The following SGCD variants were observed in gnomAD, a reference collection of about 807,000 sequenced individuals.
The protein encoded by SGCD is delta-sarcoglycan.
In SGCD, 18 loss-of-function variants were observed where a neutral mutation model predicts 36.6. The observed-to-expected ratio is 0.49, with a 90% CI of 0.34 to 0.73. The LOEUF is 0.73. Among genes scored for constraint, SGCD ranks in the 30% least tolerant of loss-of-function variants. SGCD has a pLI of 0.01. For missense variants in SGCD, 387 were observed against 346.7 expected, an observed-to-expected ratio of 1.12 and a Z score of -0.92; for synonymous variants, 133 against 130.6, an observed-to-expected ratio of 1.02 and a Z score of -0.12.
rs78787033 is a variant in SGCD, at chr5:156,616,965, G to T, written c.502+21914G>T. ...GAAAGACTAAAATATCTACTATCTG[G>T]CCCTTTACAAAAAAAAAGTTTGCCA... On this transcript the variant is annotated intron_variant, in intron 6 of 8. Transcript: ENST00000337851. Among the ~76,000 whole-genome samples, 6 of 152,102 alleles carry T rather than the reference G, an allele frequency of 3.9e-5. 1 individual carries two copies. Among genetic ancestry groups the T allele is most frequent in the Admixed American group, 3.9e-4 (6 of 15,292 alleles).
At chr5:156,493,189 A>G (rs2127852006) in intron 3 of SGCD, among the ~76,000 whole-genome samples, 1 of 152,296 alleles carries the variant, frequency 6.6e-6, no homozygotes, top group South Asian at 2.1e-4. Flanking sequence ...ATATTTATAC[A>G]TTGGAGAATG....
intron 7 of SGCD, among the ~76,000 whole-genome samples, chr5:156,754,740 T>C (rs994857259): frequency 6.6e-6 from 1 of 152,140 alleles, no homozygotes; most frequent in Non-Finnish European, 1.5e-5. Flanking sequence ...AAACACCAGA[T>C]TGATAGGTTT....
chr5:155,765,530 C>G, the SGCD span, among the ~76,000 whole-genome samples: 1 of 152,040 alleles, frequency 6.6e-6, no homozygotes, highest in South Asian at 2.1e-4. Flanking sequence ...CTAATATAAT[C>G]TTCTACAGAG....
intron 1 of SGCD, among the ~76,000 whole-genome samples, chr5:155,974,824 G>A (rs1287082249): frequency 1.3e-5 from 2 of 151,956 alleles, no homozygotes; most frequent in African/African-American, 4.8e-5. Context: ...AGAATGGGAG[G>A]CCTCATCTCC....
intron 1 of SGCD, among the ~76,000 whole-genome samples, chr5:156,043,470 C>T (rs540318552): frequency 1.3e-5 from 2 of 152,158 alleles, no homozygotes; most frequent in South Asian, 4.1e-4. Flanking sequence ...AATTTCACCT[C>T]TCTAGTGTCT....
rs543754312 is a variant in SGCD at position 156,190,564 on chromosome 5, A to G, written c.-44+66545A>G. ...ATATCTGCTATTATTCCTGCTGTGT[A>G]CCTGGCATAATTCCAGGTGCTTGGC... On this transcript the variant is annotated intron_variant, in intron 3 of 9. Transcript: ENST00000517913. Among the ~76,000 whole-genome samples the G allele has an allele frequency of 5.3e-5, 8 of 152,294 alleles. No individual in the cohort carries two copies. In the South Asian group the frequency reaches 1.4e-3, roughly 28 times the overall value.
rs1049193363 is a variant in SGCD, at chr5:156,351,585, G to A, written c.192+6908G>A. On this transcript the variant is annotated intron_variant, in intron 3 of 8. Coordinates refer to ENST00000337851, the MANE Select transcript of SGCD (RefSeq NM_000337.6). ...GGCACATAGTAAACACTTTATAGAA[G>A]TGTTTGCTATCGTCGTAGTCATCAT... 5.4e-5 allele frequency among the ~76,000 whole-genome samples: 8 copies of A among 147,850 alleles called. 1 individual carries two copies. The highest frequency in any genetic ancestry group is 2.7e-4 in the Admixed American group (4 of 14,684).
chr5:156,000,641 T>C (rs1438571802), intron 1 of SGCD, among the ~76,000 whole-genome samples: 1 of 152,044 alleles, frequency 6.6e-6, no homozygotes, highest in African/African-American at 2.4e-5. Context: ...TATCTACACC[T>C]TCCCCCTGCC....
intron 4 of SGCD, among the ~76,000 whole-genome samples, chr5:156,558,115 A>ATATATATATG (rs1759113345): frequency 7.4e-6 from 1 of 134,884 alleles, no homozygotes; most frequent in African/African-American, 2.8e-5. Flanking sequence ...ATATATATAT[A>ATATATATATG]TATATATATT....
At chr5:155,861,984 A>G in the SGCD span, among the ~76,000 whole-genome samples, 1 of 152,142 alleles carries the variant, frequency 6.6e-6, no homozygotes, top group Non-Finnish European at 1.5e-5. Context: ...TAGGAGAAGG[A>G]GATAGAGAGA....
the SGCD span, among the ~76,000 whole-genome samples, chr5:155,730,927 G>A: frequency 3.3e-5 from 5 of 152,218 alleles, no homozygotes; most frequent in Non-Finnish European, 5.9e-5. Context: ...TTTCCCAGAT[G>A]TGTAGCACAC....
chr5:156,231,741 C>T (rs967838545), intron 3 of SGCD, among the ~76,000 whole-genome samples: 30 of 151,986 alleles, frequency 2.0e-4, no homozygotes, highest in Non-Finnish European at 3.2e-4. Context: ...ATATTGGTAC[C>T]GTGGTTATCC....
At chr5:155,961,225 A>G (rs1289963076) in intron 1 of SGCD, among the ~76,000 whole-genome samples, 1 of 152,088 alleles carries the variant, frequency 6.6e-6, no homozygotes, top group Non-Finnish European at 1.5e-5. Flanking sequence ...TTAAAGAACA[A>G]AAATAAATAT....
chr5:155,892,374 G>A lies in SGCD; in HGVS notation c.-282+21950G>A, dbSNP rs573472609. ...GGAGGTTGAGGCAGTAGAATCGCTT[G>A]AACACAGGAGGTGAAGGTTGCAGTG... is the stretch of plus-strand genomic sequence containing the variant. On this transcript the variant is annotated intron_variant, in intron 1 of 9. Transcript: ENST00000517913. Among the ~76,000 whole-genome samples, 24 of 149,206 alleles carry A rather than the reference G, an allele frequency of 1.6e-4. No individual in the cohort carries two copies. The South Asian group carries it at 2.1e-3, about 13-fold the overall frequency.
the SGCD span, among the ~76,000 whole-genome samples, chr5:155,729,045 A>G: frequency 6.6e-6 from 1 of 152,226 alleles, no homozygotes; most frequent in Non-Finnish European, 1.5e-5. Context: ...GCTTGCATGG[A>G]CGGCAAAGAG....
intron 7 of SGCD, among the ~76,000 whole-genome samples, chr5:156,692,255 C>G (rs1487921571): frequency 6.6e-6 from 1 of 152,168 alleles, no homozygotes; most frequent in Non-Finnish European, 1.5e-5. Context: ...TTCTTCTCAT[C>G]TAACAATTCC....
intron 3 of SGCD, among the ~76,000 whole-genome samples, chr5:156,220,120 C>T (rs1764681425): frequency 6.6e-6 from 1 of 152,142 alleles, no homozygotes; most frequent in Non-Finnish European, 1.5e-5. Context: ...TTTAAGAATT[C>T]ATACGTGCTG....
intron 3 of SGCD, among the ~76,000 whole-genome samples, chr5:156,463,855 C>T (rs962158431): frequency 2.0e-5 from 3 of 152,054 alleles, no homozygotes; most frequent in Non-Finnish European, 4.4e-5. Flanking sequence ...ATGAGCCAGG[C>T]ATGGACAGGA....
At chr5:156,086,476 C>T (rs986010657) in intron 1 of SGCD, among the ~76,000 whole-genome samples, 7 of 152,156 alleles carry the variant, frequency 4.6e-5, no homozygotes, top group Non-Finnish European at 8.8e-5. Flanking sequence ...GTTTAAGAAG[C>T]AGAAATTGGT....
Sources: allele counts gnomAD v4.1 joint callset (sites outside exome capture counted in the v4.1 genomes callset), GRCh38; gene constraint gnomAD v4.1.1; transcripts MANE v1.5; gene names NCBI Gene and HGNC (gene_info 2026-07-23, HGNC 2026-07-21).